The following STPG2 variants were observed in gnomAD, a reference collection of about 807,000 sequenced individuals.
STPG2 encodes sperm tail PG-rich repeat containing 2.
Under a neutral mutation model 54.2 loss-of-function variants are expected in STPG2, and 56 were observed. The ratio of observed to expected loss-of-function variants is 1.03; its 90% CI spans 0.83 to 1.29. The LOEUF is 1.29. STPG2 is among the 50% of genes most tolerant of loss of function. The pLI, the probability that STPG2 is intolerant of heterozygous loss-of-function variation, is 0.00. For synonymous variants in STPG2, 200 were observed against 181.8 expected (o/e 1.10, Z -0.81); for missense variants, 596 against 544.9 (o/e 1.09, Z -0.93).
At chr4:97,872,076 C>G (rs1488827454) in intron 8 of STPG2, among the ~76,000 whole-genome samples, 1 of 150,906 alleles carries the variant, frequency 6.6e-6, no homozygotes, top group Non-Finnish European at 1.5e-5. Context: ...AGACCTTTAA[C>G]AAAGGTTAAT....
intron 8 of STPG2, among the ~76,000 whole-genome samples, chr4:97,908,533 A>G (rs1731542007): frequency 6.6e-6 from 1 of 152,186 alleles, no homozygotes; most frequent in South Asian, 2.1e-4. Flanking sequence ...CCAAAGGATT[A>G]TAAATCATGC....
intron 5 of STPG2, among the ~76,000 whole-genome samples, chr4:98,078,046 A>C (rs1457613955): frequency 6.6e-6 from 1 of 150,704 alleles, no homozygotes; most frequent in African/African-American, 2.4e-5. Context: ...CCTTAAAAAA[A>C]TGTTTGTTTC....
At chr4:97,676,419 T>C (rs1319698402) in intron 10 of STPG2, among the ~76,000 whole-genome samples, 1 of 152,072 alleles carries the variant, frequency 6.6e-6, no homozygotes, top group African/African-American at 2.4e-5. Context: ...AAGCACCTTA[T>C]TCCCTGTATT....
chr4:97,965,902 G>A (rs896291347), intron 7 of STPG2, among the ~76,000 whole-genome samples: 1 of 152,182 alleles, frequency 6.6e-6, no homozygotes, highest in African/African-American at 2.4e-5. Context: ...AAACCACAAA[G>A]ATGGGGAGAA....
intron 9 of STPG2, among the ~76,000 whole-genome samples, chr4:97,825,452 G>A (rs183992650): frequency 9.9e-4 from 151 of 152,084 alleles, no homozygotes; most frequent in African/African-American, 2.6e-3. Flanking sequence ...GTCCCCACCC[G>A]ACCCCTACTG....
chr4:97,832,108 C>T (rs963786418), intron 9 of STPG2, among the ~76,000 whole-genome samples: 2 of 152,064 alleles, frequency 1.3e-5, no homozygotes, highest in East Asian at 1.9e-4. Context: ...AACATTGATG[C>T]AAAAATCCTC....
intron 8 of STPG2, among the ~76,000 whole-genome samples, chr4:97,938,656 C>A (rs1189336490): frequency 6.6e-6 from 1 of 152,204 alleles, no homozygotes; most frequent in Non-Finnish European, 1.5e-5. Flanking sequence ...AGCAGAGCTT[C>A]CCAGGCTGGA....
intron 5 of STPG2, among the ~76,000 whole-genome samples, chr4:98,104,435 G>A (rs1739132313): frequency 6.6e-6 from 1 of 151,994 alleles, no homozygotes; most frequent in African/African-American, 2.4e-5. Context: ...TTTTTACTAT[G>A]TATAAGGTAA....
chr4:97,658,708 G>A (rs1306194133), intron 10 of STPG2, among the ~76,000 whole-genome samples: 1 of 152,176 alleles, frequency 6.6e-6, no homozygotes, highest in Non-Finnish European at 1.5e-5. Flanking sequence ...GTTGCAAGGA[G>A]TACTTGATTT....
At chr4:97,729,283 AGATTTG>A (rs894476529) in intron 9 of STPG2, among the ~76,000 whole-genome samples, 3 of 152,006 alleles carry the variant, frequency 2.0e-5, no homozygotes, top group African/African-American at 7.2e-5. Flanking sequence ...GCTATCTTTC[AGATTTG>A]GAGAATAGAA....
At chr4:97,505,132 T>G (rs1730817181) in intron 4 of STPG2, among the ~76,000 whole-genome samples, 1 of 151,856 alleles carries the variant, frequency 6.6e-6, no homozygotes, top group Non-Finnish European at 1.5e-5. Flanking sequence ...CCAATCCAAC[T>G]TGCAGTCAAA....
chr4:97,848,237 T>C (rs1036018523), intron 8 of STPG2, among the ~76,000 whole-genome samples: 2 of 152,188 alleles, frequency 1.3e-5, no homozygotes, highest in African/African-American at 4.8e-5. Context: ...TATCTTACTC[T>C]TCTGAATTAT....
chr4:97,694,038 A>G (rs1723470463), intron 10 of STPG2, among the ~76,000 whole-genome samples: 1 of 152,158 alleles, frequency 6.6e-6, no homozygotes, highest in South Asian at 2.1e-4. Flanking sequence ...AGTTCATAGC[A>G]TCAAACACCT....
chr4:98,002,059 A>C (rs1560630326), intron 5 of STPG2, among the ~76,000 whole-genome samples: 1 of 152,104 alleles, frequency 6.6e-6, no homozygotes, highest in Non-Finnish European at 1.5e-5. Context: ...AGTCTAAAAG[A>C]GGTTTGATCA....
At chr4:98,040,189 T>C (rs575218976) in intron 5 of STPG2, among the ~76,000 whole-genome samples, 5 of 151,954 alleles carry the variant, frequency 3.3e-5, no homozygotes, top group Admixed American at 1.3e-4. Context: ...TTGTCGTTCT[T>C]GTTTGAGTTA....
intron 8 of STPG2, 65 bp from the exon 9 acceptor site, chr4:97,840,997 A>G (rs1728786364): frequency 6.7e-7 from 1 of 1,495,268 alleles, no homozygotes; most frequent in Admixed American, 2.1e-5. Context: ...AGAAGATACC[A>G]GATGGATGGT....
rs542048633 is a variant in STPG2, at chr4:97,950,032, C to T, written c.934-6025G>A. On this transcript the variant is annotated intron_variant, in intron 7 of 10. Coordinates refer to ENST00000295268, the MANE Select transcript of STPG2 (RefSeq NM_174952.3). ...TATTTTAATCTATTGTTAAAACCTCCACTGCATTTTGTAGTTCCCTAAATG... is the reference window on the plus strand; with the variant it reads ...TATTTTAATCTATTGTTAAAACCTCTACTGCATTTTGTAGTTCCCTAAATG... 2.7e-4 allele frequency among the ~76,000 whole-genome samples: 41 copies of T among 152,182 alleles called. No individual in the cohort carries two copies. The South Asian group carries it at 8.1e-3, about 30-fold the overall frequency.
At chr4:97,908,659 T>C (rs1365564440) in intron 8 of STPG2, among the ~76,000 whole-genome samples, 1 of 151,616 alleles carries the variant, frequency 6.6e-6, no homozygotes, top group Non-Finnish European at 1.5e-5. Flanking sequence ...ATGTGGCACA[T>C]ATACACCATG....
rs148866904 is a variant in STPG2, at chr4:97,608,684, T to C, written c.1321-49567A>G. Reference sequence around the variant, plus strand: ...TTCAGAAAATTAAGCAGGAGAGATATATGTGATGTTTCACTCTCAGTTTTG... The same window carrying C: ...TTCAGAAAATTAAGCAGGAGAGATACATGTGATGTTTCACTCTCAGTTTTG... On this transcript the variant is annotated intron_variant, in intron 10 of 10. Transcript: ENST00000295268. Among the ~76,000 whole-genome samples, 658 of 152,164 alleles carry C rather than the reference T, an allele frequency of 4.3e-3. 3 individuals are homozygous for C. The highest frequency in any genetic ancestry group is 0.021 in the South Asian group (99 of 4,828).
Sources: allele counts gnomAD v4.1 joint callset (sites outside exome capture counted in the v4.1 genomes callset), GRCh38; gene constraint gnomAD v4.1.1; transcripts MANE v1.5; gene names NCBI Gene and HGNC (gene_info 2026-07-23, HGNC 2026-07-21).